Variants in NIPBL observed in about 807,000 individuals in gnomAD.
NIPBL encodes NIPBL cohesin loading factor.
NIPBL carries 19 observed loss-of-function variants against 321.8 expected under a neutral mutation model. The observed-to-expected ratio is 0.06, with a 90% CI of 0.04 to 0.09. The LOEUF (loss-of-function observed/expected upper bound fraction) is 0.09, where lower values mean the gene tolerates loss of function less well. NIPBL is among the 10% of genes least tolerant of loss of function. NIPBL has a pLI of 1.00. For synonymous variants in NIPBL, 1,106 were observed against 1,114.1 expected (o/e 0.99, Z 0.14); for missense variants, 2,210 against 3,327.0 (o/e 0.66, Z 8.26).
chr5:37,020,433 C>T (rs1411586003), intron 25 of NIPBL, 26 bp from the exon 26 acceptor site: 1 of 1,483,934 alleles, frequency 6.7e-7, no homozygotes, highest in Non-Finnish European at 9.4e-7. Context: ...TTTCATCAAG[C>T]TCAAGTCTGT....
intron 38 of NIPBL, 104 bp downstream of exon 38, chr5:37,046,303 T>C: frequency 1.4e-6 from 1 of 730,416 alleles, no homozygotes; most frequent in Non-Finnish European, 2.4e-6. Context: ...ATGTTTCTAT[T>C]AGCAGTAGGA....
chr5:36,911,890 G>T (rs1370627407), intron 1 of NIPBL, among the ~76,000 whole-genome samples: 1 of 152,196 alleles, frequency 6.6e-6, no homozygotes, highest in Non-Finnish European at 1.5e-5. Context: ...GAGTAGAGAT[G>T]TAGATAAGCA....
chr5:37,022,288 G>A lies in NIPBL; in HGVS notation c.5472G>A (p.Ser1824=), dbSNP rs369177620. The A allele has an allele frequency of 3.9e-5, 63 of 1,613,610 alleles. No homozygotes were observed. The highest frequency in any genetic ancestry group is 3.3e-4 in the Middle Eastern group (2 of 6,082). ...RGVHGRLMDN[S]TSVREAAVEL... is the part of the protein sequence containing the mutation. Reference sequence around the variant, plus strand: ...TTCATGGACGATTGATGGATAATTCGACTAGTGTCCGAGAAGCAGCAGTAG... The same window carrying A: ...TTCATGGACGATTGATGGATAATTCAACTAGTGTCCGAGAAGCAGCAGTAG... The change falls in exon 29 of 47, where the codon TCG becomes TCA. Residue 1824 remains serine, a synonymous_variant. Transcript: ENST00000282516.
At chr5:36,973,713 C>T (rs1177516335) in intron 8 of NIPBL, among the ~76,000 whole-genome samples, 2 of 152,150 alleles carry the variant, frequency 1.3e-5, no homozygotes, top group Admixed American at 6.5e-5. Flanking sequence ...TCGTGATCTG[C>T]CCGCCTCGGC....
intron 18 of NIPBL, 51 bp downstream of exon 18, chr5:37,007,525 T>A (rs748615371): frequency 5.9e-6 from 8 of 1,345,678 alleles, no homozygotes; most frequent in Non-Finnish European, 8.4e-6. Context: ...AATGATTAAG[T>A]CTAGTATAAC....
In NIPBL at chr5:37,022,493, T is replaced by C. The variant is rs1749760722; in HGVS notation, c.5574+103T>C. 1.0e-5 allele frequency: 10 copies of C among 992,320 alleles called. No homozygotes were observed. The South Asian group carries it at 1.5e-4, about 15-fold the overall frequency. The allele number at this position is 992,320 out of a possible 1,614,324, so 61.5% of individuals were successfully genotyped here. A position where few individuals can be genotyped will look rare whatever the true frequency, so the allele number is the denominator to read the frequency against. On this transcript the variant is annotated intron_variant, in intron 29 of 46. Transcript: ENST00000282516. ...GTTAGAAAAATAAATGTACCAATTA[T>C]ATATTTATATTGTCAAATTTATGAA... is the stretch of plus-strand genomic sequence containing the variant.
At chr5:37,055,490 G>A (rs1013402954) in intron 42 of NIPBL, among the ~76,000 whole-genome samples, 7 of 151,954 alleles carry the variant, frequency 4.6e-5, no homozygotes, top group Non-Finnish European at 8.8e-5. Flanking sequence ...AACAATAATA[G>A]GATTGTTGCC....
chr5:37,011,557 A>G (rs576728788), intron 21 of NIPBL, among the ~76,000 whole-genome samples: 56 of 152,316 alleles, frequency 3.7e-4, no homozygotes, highest in Non-Finnish European at 6.8e-4. Flanking sequence ...CCTGTCTAAA[A>G]ATGAATGAAT....
chr5:37,010,406 C>G (rs1378440937), intron 21 of NIPBL, among the ~76,000 whole-genome samples, 181 bp downstream of exon 21: 1 of 152,122 alleles, frequency 6.6e-6, no homozygotes, highest in Non-Finnish European at 1.5e-5. Flanking sequence ...ACCTCTGCCT[C>G]CCGGGTTCAA....
chr5:36,917,038 C>T (rs1024347956), intron 1 of NIPBL, among the ~76,000 whole-genome samples: 2 of 152,154 alleles, frequency 1.3e-5, no homozygotes, highest in African/African-American at 4.8e-5. Flanking sequence ...GCTGGATCCA[C>T]TGGTATTTCT....
At chr5:36,919,965 A>G (rs1748801516) in intron 1 of NIPBL, among the ~76,000 whole-genome samples, 1 of 152,144 alleles carries the variant, frequency 6.6e-6, no homozygotes, top group South Asian at 2.1e-4. Context: ...GATTTCTAAA[A>G]TGGGTTGTAA....
At chr5:36,913,244 G>C (rs1228049127) in intron 1 of NIPBL, among the ~76,000 whole-genome samples, 1 of 152,128 alleles carries the variant, frequency 6.6e-6, no homozygotes, top group African/African-American at 2.4e-5. Context: ...GTAGGGTAAA[G>C]TGCCATAATG....
intron 27 of NIPBL, among the ~76,000 whole-genome samples, chr5:37,021,612 T>G (rs531144628): frequency 2.1e-3 from 323 of 152,090 alleles, no homozygotes; most frequent in African/African-American, 7.1e-3. Context: ...ACCCGGGAGA[T>G]GGAGGTTGCA....
At chr5:36,941,927 C>G (rs971130719) in intron 1 of NIPBL, among the ~76,000 whole-genome samples, 1 of 151,800 alleles carries the variant, frequency 6.6e-6, no homozygotes, top group South Asian at 2.1e-4. Context: ...AAAATACATC[C>G]CTAATTTACA....
intron 1 of NIPBL, chr5:36,886,401 C>A: frequency 1.4e-6 from 1 of 733,612 alleles, no homozygotes. Flanking sequence ...TGGACAGCAG[C>A]AACTCCATGC....
chr5:37,047,872 T>G (rs963852074), intron 38 of NIPBL, among the ~76,000 whole-genome samples: 1 of 152,226 alleles, frequency 6.6e-6, no homozygotes, highest in African/African-American at 2.4e-5. Flanking sequence ...TTGCTACTTA[T>G]TAACCCGTGG....
intron 1 of NIPBL, among the ~76,000 whole-genome samples, chr5:36,937,761 T>C (rs568779934): frequency 6.6e-6 from 1 of 152,314 alleles, no homozygotes; most frequent in African/African-American, 2.4e-5. Flanking sequence ...TTTTCTTCTT[T>C]GCCTTACTAA....
intron 16 of NIPBL, among the ~76,000 whole-genome samples, chr5:37,004,153 GTAAATGT>G (rs1747146280): frequency 6.6e-6 from 1 of 152,124 alleles, no homozygotes; most frequent in Non-Finnish European, 1.5e-5. Context: ...TAACTTCTCA[GTAAATGT>G]TAACTCCAGC....
chr5:37,063,917 C>T lies in NIPBL; in HGVS notation c.7988C>T (p.Thr2663Ile), dbSNP rs1755084462. ...GGAGGAGGCAGCCCTAAAAATAATA[C>T]AGCAGCAGAGACAGAAGATGATGAA... ...LLGGGSPKNNTAAETEDDESD... is the reference protein window; with the variant it reads ...LLGGGSPKNNIAAETEDDESD... The change falls in exon 46 of 47, where the codon ACA becomes ATA. Residue 2663 changes from threonine to isoleucine, a missense_variant. By Grantham distance (89) the Thr-to-Ile change is moderately conservative (BLOSUM62 -1). Coordinates refer to ENST00000282516, the MANE Select transcript of NIPBL (RefSeq NM_133433.4). 2 of 1,613,846 alleles carry T rather than the reference C, an allele frequency of 1.2e-6. No homozygotes were observed. The highest frequency in any genetic ancestry group is 1.7e-6 in the Non-Finnish European group (2 of 1,180,016).
Sources: allele counts gnomAD v4.1 joint callset (sites outside exome capture counted in the v4.1 genomes callset), GRCh38; gene constraint gnomAD v4.1.1; transcripts MANE v1.5; gene names NCBI Gene and HGNC (gene_info 2026-07-23, HGNC 2026-07-21).